Variants in CSTF3 observed in about 807,000 individuals in gnomAD.
The protein encoded by CSTF3 is cleavage stimulation factor subunit 3.
In CSTF3, 29 loss-of-function variants were observed where a neutral mutation model predicts 105.8. The observed-to-expected ratio is 0.27, with a 90% CI of 0.20 to 0.37. The LOEUF is 0.37. Ranked by LOEUF, CSTF3 falls within the 10% of genes least tolerant of loss-of-function variation. The pLI, the probability that CSTF3 is intolerant of heterozygous loss-of-function variation, is 1.00. For synonymous variants in CSTF3, 252 were observed against 281.9 expected (o/e 0.89, Z 1.06); for missense variants, 357 against 879.3 (o/e 0.41, Z 7.51).
At chr11:33,153,783 T>C (rs945971673) in intron 1 of CSTF3, among the ~76,000 whole-genome samples, 1 of 151,366 alleles carries the variant, frequency 6.6e-6, no homozygotes, top group South Asian at 2.1e-4. Context: ...GGGTGTTATA[T>C]TAGGAGCCAT....
intron 1 of CSTF3, among the ~76,000 whole-genome samples, chr11:33,156,538 AT>A (rs1849868413): frequency 6.6e-6 from 1 of 152,204 alleles, no homozygotes. Flanking sequence ...AAAAACACGT[AT>A]TTATGAGCCT....
chr11:33,110,988 T>C (rs1325693101), intron 3 of CSTF3, among the ~76,000 whole-genome samples: 5 of 152,118 alleles, frequency 3.3e-5, no homozygotes. Flanking sequence ...CCCAGCACTT[T>C]GGGAGGCCAA....
intron 10 of CSTF3, among the ~76,000 whole-genome samples, chr11:33,101,943 T>C (rs1287948664): frequency 6.6e-6 from 1 of 152,106 alleles, no homozygotes; most frequent in Non-Finnish European, 1.5e-5. Context: ...TGGAAATTTA[T>C]AGAATTGAAA....
chr11:33,093,506 C>T (rs1855188874), intron 15 of CSTF3, among the ~76,000 whole-genome samples: 3 of 152,114 alleles, frequency 2.0e-5, no homozygotes, highest in Admixed American at 6.5e-5. Context: ...CAATATAATA[C>T]AAGCCACATA....
intron 3 of CSTF3, among the ~76,000 whole-genome samples, chr11:33,138,285 T>A (rs990885777): frequency 1.3e-5 from 2 of 151,742 alleles, no homozygotes; most frequent in African/African-American, 4.8e-5. Flanking sequence ...ACAAATTACT[T>A]CTCTAACAAT....
chr11:33,153,176 C>T (rs1207184239), intron 1 of CSTF3, among the ~76,000 whole-genome samples: 1 of 151,314 alleles, frequency 6.6e-6, no homozygotes, highest in East Asian at 1.9e-4. Context: ...AAATGTCTGG[C>T]TGAATAGAAG....
intron 3 of CSTF3, among the ~76,000 whole-genome samples, chr11:33,113,680 T>A (rs1183479406): frequency 6.6e-6 from 1 of 152,216 alleles, no homozygotes; most frequent in African/African-American, 2.4e-5. Context: ...AATCTTCAAC[T>A]TCCTTTTTTT....
At chr11:33,116,514 T>C (rs1198555118) in intron 3 of CSTF3, among the ~76,000 whole-genome samples, 1 of 152,086 alleles carries the variant, frequency 6.6e-6, no homozygotes, top group Admixed American at 6.6e-5. Context: ...TGAAACAACA[T>C]GAGTTTCTTT....
intron 3 of CSTF3, among the ~76,000 whole-genome samples, chr11:33,117,201 T>G (rs533142576): frequency 6.6e-6 from 1 of 151,666 alleles, no homozygotes; most frequent in South Asian, 2.1e-4. Flanking sequence ...AAGACTCATT[T>G]CTCCAAACTA....
At position 33,111,710 on chromosome 11, in the gene CSTF3, A is replaced by G. The variant is rs566371376; in HGVS notation, c.226-3292T>C. Among the ~76,000 whole-genome samples the G allele has an allele frequency of 9.8e-5, 15 of 152,324 alleles. 1 individual carries two copies. In the South Asian group the frequency reaches 2.9e-3, roughly 29 times the overall value. Reference sequence around the variant, plus strand: ...TACCCGTCCCCAACAAAGTGGTCCCATATCTTGGATTCATCAATTATTTCT... The same window carrying G: ...TACCCGTCCCCAACAAAGTGGTCCCGTATCTTGGATTCATCAATTATTTCT... On this transcript the variant is annotated intron_variant, in intron 3 of 20. Coordinates refer to ENST00000323959, the MANE Select transcript of CSTF3 (RefSeq NM_001326.3).
intron 3 of CSTF3, among the ~76,000 whole-genome samples, chr11:33,130,150 A>T (rs1028068897): frequency 6.6e-6 from 1 of 152,204 alleles, no homozygotes; most frequent in African/African-American, 2.4e-5. Context: ...TTTTTCATAA[A>T]ATTTCATAAT....
intron 17 of CSTF3, 60 bp downstream of exon 17, chr11:33,090,472 G>C: frequency 2.0e-6 from 2 of 1,016,914 alleles, no homozygotes; most frequent in Non-Finnish European, 2.7e-6. Flanking sequence ...GGTTATCAAT[G>C]AACTCTTCTA....
chr11:33,133,682 T>G (rs1298998190), intron 3 of CSTF3, among the ~76,000 whole-genome samples: 1 of 152,184 alleles, frequency 6.6e-6, no homozygotes, highest in South Asian at 2.1e-4. Context: ...CCATCTCTAC[T>G]AAAAATACAA....
chr11:33,095,355 C>A (rs1855209051), intron 15 of CSTF3, among the ~76,000 whole-genome samples: 1 of 152,164 alleles, frequency 6.6e-6, no homozygotes, highest in African/African-American at 2.4e-5. Flanking sequence ...GCCACCACAC[C>A]TAGCTAAAAA....
chr11:33,098,835 C>A, intron 12 of CSTF3, 71 bp from the exon 13 acceptor site: 1 of 1,289,342 alleles, frequency 7.8e-7, no homozygotes, highest in South Asian at 1.6e-5. Context: ...TCCAAGGAAT[C>A]CAAAGGCTAT....
At chr11:33,097,400 C>G (rs1403729895) in intron 13 of CSTF3, among the ~76,000 whole-genome samples, 1 of 151,960 alleles carries the variant, frequency 6.6e-6, no homozygotes, top group Non-Finnish European at 1.5e-5. Flanking sequence ...GACGGAGTCT[C>G]GCTCTGTTGC....
At chr11:33,086,845 T>G (rs753855332) in intron 18 of CSTF3, 143 bp downstream of exon 18, 26 of 966,144 alleles carry the variant, frequency 2.7e-5, no homozygotes, top group Middle Eastern at 2.1e-4. Context: ...GTTCAAAGAT[T>G]AAAGCTAAAT....
chr11:33,103,041 G>T, intron 9 of CSTF3, 66 bp downstream of exon 9: 1 of 1,042,526 alleles, frequency 9.6e-7, no homozygotes, highest in South Asian at 1.5e-5. Flanking sequence ...ATACCAGACA[G>T]GGAAAGCTCT....
chr11:33,125,659 G>A (rs1385999764), intron 3 of CSTF3, among the ~76,000 whole-genome samples: 2 of 152,168 alleles, frequency 1.3e-5, no homozygotes, highest in Non-Finnish European at 2.9e-5. Flanking sequence ...CTGTCATCCT[G>A]AGTGTAGCTT....
Sources: gnomAD v4.1 joint callset for allele counts (sites outside exome capture counted in the v4.1 genomes callset) on GRCh38, gnomAD v4.1.1 for gene constraint, MANE v1.5 for transcripts, NCBI Gene and HGNC (gene_info 2026-07-23, HGNC 2026-07-21) for gene names.